PAG1: variants seen among roughly 807,000 people sequenced by gnomAD.
PAG1 encodes phosphoprotein membrane anchor with glycosphingolipid microdomains 1, also known as phosphoprotein associated with glycosphingolipid-enriched microdomains 1.
Under a neutral mutation model 31.7 loss-of-function variants are expected in PAG1, and 23 were observed. The observed-to-expected ratio is 0.73, with a 90% CI of 0.52 to 1.03. The LOEUF is 1.03. Ranked by LOEUF, PAG1 falls within the 50% of genes least tolerant of loss-of-function variation. PAG1 has a pLI of 0.00. For missense variants in PAG1, 473 were observed against 540.7 expected (o/e 0.87, Z 1.24); for synonymous variants, 214 against 210.3 (o/e 1.02, Z -0.15).
intron 3 of PAG1, among the ~76,000 whole-genome samples, chr8:81,004,415 T>C (rs1807840392): frequency 6.6e-6 from 1 of 152,174 alleles, no homozygotes; most frequent in Non-Finnish European, 1.5e-5. Context: ...CGCATGATAT[T>C]TTCTACTTGC....
intron 5 of PAG1, 69 bp downstream of exon 5, chr8:80,991,410 C>T (rs1807543974): frequency 8.2e-7 from 1 of 1,225,440 alleles, no homozygotes. Context: ...CATGGGAGCA[C>T]ACTTAGATAA....
intron 3 of PAG1, among the ~76,000 whole-genome samples, chr8:80,999,730 T>A (rs962288373): frequency 2.0e-5 from 3 of 152,192 alleles, no homozygotes; most frequent in Non-Finnish European, 4.4e-5. Flanking sequence ...TACATTAAAC[T>A]TACATCACAG....
At chr8:81,095,415 A>G (rs1175919177) in intron 1 of PAG1, among the ~76,000 whole-genome samples, 1 of 152,202 alleles carries the variant, frequency 6.6e-6, no homozygotes, top group Non-Finnish European at 1.5e-5. Context: ...GATCCTGAGT[A>G]CAGGCACCCA....
chr8:81,018,143 C>A (rs1176632465), intron 3 of PAG1, among the ~76,000 whole-genome samples: 1 of 152,192 alleles, frequency 6.6e-6, no homozygotes, highest in African/African-American at 2.4e-5. Context: ...AAGGTCTCAA[C>A]TGTCTTAAAG....
At chr8:80,998,388 A>G (rs1210516954) in intron 3 of PAG1, among the ~76,000 whole-genome samples, 2 of 152,048 alleles carry the variant, frequency 1.3e-5, no homozygotes, top group Non-Finnish European at 2.9e-5. Flanking sequence ...TCGGCCTCCC[A>G]AAGTGCTGGG....
At chr8:80,981,368 C>T (rs1192513653) in intron 7 of PAG1, among the ~76,000 whole-genome samples, 1 of 152,048 alleles carries the variant, frequency 6.6e-6, no homozygotes, top group Non-Finnish European at 1.5e-5. Flanking sequence ...CCATAGTCAA[C>T]TGCCAATCAT....
chr8:81,013,807 T>G (rs1808025534), intron 3 of PAG1, among the ~76,000 whole-genome samples: 1 of 152,172 alleles, frequency 6.6e-6, no homozygotes, highest in East Asian at 1.9e-4. Context: ...CTCAAACTCC[T>G]GACCTCAAGT....
At chr8:81,007,567 G>A (rs965209538) in intron 3 of PAG1, among the ~76,000 whole-genome samples, 1 of 149,140 alleles carries the variant, frequency 6.7e-6, no homozygotes, top group African/African-American at 2.5e-5. Context: ...AAGCCAGAAG[G>A]TGGAGGTTGC....
At chr8:81,054,507 T>TA (rs1808782641) in intron 2 of PAG1, among the ~76,000 whole-genome samples, 1 of 152,020 alleles carries the variant, frequency 6.6e-6, no homozygotes, top group South Asian at 2.1e-4. Flanking sequence ...ACCCCCTCTC[T>TA]ACTAAAAATA....
At chr8:81,035,299 A>G (rs139220525) in intron 2 of PAG1, among the ~76,000 whole-genome samples, 2 of 152,302 alleles carry the variant, frequency 1.3e-5, no homozygotes, top group African/African-American at 2.4e-5. Context: ...TTACACAGAC[A>G]CAGAAACAGC....
intron 1 of PAG1, among the ~76,000 whole-genome samples, chr8:81,080,326 C>T (rs773978124): frequency 3.3e-5 from 5 of 152,138 alleles, no homozygotes; most frequent in Non-Finnish European, 7.4e-5. Context: ...ACTGCAAATC[C>T]ACTAATAATG....
intron 1 of PAG1, among the ~76,000 whole-genome samples, chr8:81,079,949 T>A (rs1004851751): frequency 2.7e-4 from 41 of 151,994 alleles, no homozygotes; most frequent in African/African-American, 9.7e-4. Flanking sequence ...TTAAAATTTT[T>A]TGTAGAGGTT....
rs1807131993 is a variant in PAG1, at chr8:80,974,079, T to C, written c.*2465A>G. On this transcript the variant is annotated 3_prime_UTR_variant, in exon 9 of 9. Coordinates refer to ENST00000220597, the MANE Select transcript of PAG1 (RefSeq NM_018440.4). ...ATAGCCACATTGCAGAACTAATATTTGAAAACTCTTGGGGGAAATTTTGGT... is the reference window on the plus strand; with the variant it reads ...ATAGCCACATTGCAGAACTAATATTCGAAAACTCTTGGGGGAAATTTTGGT... 1.3e-5 allele frequency: 2 copies of C among 152,116 alleles called. No individual in the cohort carries two copies. Among genetic ancestry groups the C allele is most frequent in the African/African-American group, 4.8e-5 (2 of 41,412 alleles). The allele number at this position is 152,116 out of a possible 1,614,324, so 9.4% of individuals were successfully genotyped here. A position where few individuals can be genotyped will look rare whatever the true frequency, so the allele number is the denominator to read the frequency against.
At chr8:81,037,597 C>A (rs754338854) in intron 2 of PAG1, among the ~76,000 whole-genome samples, 15 of 152,152 alleles carry the variant, frequency 9.9e-5, no homozygotes, top group African/African-American at 3.1e-4. Context: ...CATCTGAATA[C>A]AAAGTAAGAT....
chr8:81,086,232 C>T (rs1010718177), intron 1 of PAG1, among the ~76,000 whole-genome samples: 3 of 151,952 alleles, frequency 2.0e-5, no homozygotes, highest in East Asian at 1.9e-4. Context: ...CCGCCCGCCT[C>T]GGCCTCCCAA....
At chr8:81,064,829 G>A (rs917229670) in intron 2 of PAG1, among the ~76,000 whole-genome samples, 1 of 152,202 alleles carries the variant, frequency 6.6e-6, no homozygotes, top group Non-Finnish European at 1.5e-5. Flanking sequence ...ATGCCACCAG[G>A]TTATCTCCAT....
intron 3 of PAG1, among the ~76,000 whole-genome samples, chr8:81,019,188 G>A (rs1348400370): frequency 2.6e-5 from 4 of 152,188 alleles, no homozygotes; most frequent in African/African-American, 7.2e-5. Flanking sequence ...AAGCAGCAAA[G>A]CATTCAAGAG....
chr8:80,987,781 T>A (rs577751644), intron 5 of PAG1, among the ~76,000 whole-genome samples: 1 of 152,196 alleles, frequency 6.6e-6, no homozygotes, highest in Non-Finnish European at 1.5e-5. Context: ...CAATATAATA[T>A]AATGAAAGTT....
chr8:80,998,131 T>C (rs1807718412), intron 3 of PAG1, among the ~76,000 whole-genome samples: 1 of 8,158 alleles, frequency 1.2e-4, no homozygotes, highest in African/African-American at 3.5e-4. Flanking sequence ...AGGTGTCCTT[T>C]TTTTTTTTTT....
Sources: allele counts gnomAD v4.1 joint callset (sites outside exome capture counted in the v4.1 genomes callset), GRCh38; gene constraint gnomAD v4.1.1; transcripts MANE v1.5; gene names NCBI Gene and HGNC (gene_info 2026-07-23, HGNC 2026-07-21).